The following WASHC2A variants were observed in gnomAD, a reference collection of about 807,000 sequenced individuals.
WASHC2A encodes the protein WASH complex subunit FAM21A.
A neutral mutation model predicts 140.3 loss-of-function variants in WASHC2A; 82 were observed. That is an observed-to-expected ratio of 0.58 (90% CI 0.49 to 0.70). WASHC2A has a LOEUF of 0.70. WASHC2A is among the 30% of genes least tolerant of loss of function. The pLI is 0.00. For missense variants in WASHC2A, 985 were observed against 1,521.8 expected (o/e 0.65, Z 5.87); for synonymous variants, 340 against 560.8 (o/e 0.61, Z 5.56).
intron 3 of WASHC2A, among the ~76,000 whole-genome samples, chr10:50,071,962 G>T (rs1837872117): frequency 7.2e-6 from 1 of 138,258 alleles, no homozygotes; most frequent in Non-Finnish European, 1.6e-5. Flanking sequence ...AGGCTGGAGT[G>T]CAGTGACACC....
intron 21 of WASHC2A, among the ~76,000 whole-genome samples, chr10:50,117,618 C>T (rs1196951857): frequency 1.3e-5 from 2 of 149,410 alleles, no homozygotes; most frequent in Admixed American, 6.9e-5. Flanking sequence ...GACTCATAAT[C>T]GTCTGGTGGC....
At chr10:50,104,277 C>CA in intron 18 of WASHC2A, 134 bp downstream of exon 18, 1 of 637,522 alleles carries the variant, frequency 1.6e-6, no homozygotes, top group Non-Finnish European at 2.8e-6. Flanking sequence ...GTTTATATAA[C>CA]AAAAATATTT....
intron 16 of WASHC2A, among the ~76,000 whole-genome samples, chr10:50,099,329 G>A (rs1329568717): frequency 5.3e-5 from 8 of 149,760 alleles, no homozygotes; most frequent in East Asian, 2.0e-4. Flanking sequence ...GAGTGTAGTG[G>A]TACAATCACA....
Position 50,110,920 on chromosome 10 carries a change from AT to A in WASHC2A, c.2039+653del, listed in dbSNP as rs1156437085. On this transcript the variant is annotated intron_variant, in intron 20 of 30. Transcript: ENST00000282633. ...AAAAAAAAAAAAAAAAAAAAAAGTT[AT>A]TTGAATAGAAATCTGCTCAGCATTT... is the stretch of plus-strand genomic sequence containing the variant. 1.4e-3 allele frequency among the ~76,000 whole-genome samples: 190 copies of A among 132,764 alleles called. 1 individual carries two copies. The highest frequency in any genetic ancestry group is 2.9e-3 in the Admixed American group (38 of 12,994). The allele number at this position is 132,764 out of a possible 152,430, so 87.1% of individuals were successfully genotyped here. A position where few individuals can be genotyped will look rare whatever the true frequency, so the allele number is the denominator to read the frequency against.
At chr10:50,104,642 C>G (rs1841570925) in intron 18 of WASHC2A, among the ~76,000 whole-genome samples, 1 of 152,128 alleles carries the variant, frequency 6.6e-6, no homozygotes, top group African/African-American at 2.4e-5. Context: ...CAGGTGTGAG[C>G]CACCATGCCT....
At chr10:50,078,821 A>G (rs1589156461) in intron 4 of WASHC2A, 84 bp downstream of exon 4, 5 of 1,268,760 alleles carry the variant, frequency 3.9e-6, no homozygotes, top group Non-Finnish European at 5.5e-6. Flanking sequence ...GAACTGGGGG[A>G]TGGTGGGCGG....
chr10:50,076,070 A>G (rs1228964676), intron 3 of WASHC2A, among the ~76,000 whole-genome samples: 1 of 151,688 alleles, frequency 6.6e-6, no homozygotes, highest in Non-Finnish European at 1.5e-5. Context: ...ACCGGCCACC[A>G]CATCAAGCTA....
At chr10:50,071,920 T>C (rs1483183593) in intron 3 of WASHC2A, among the ~76,000 whole-genome samples, 4 of 150,348 alleles carry the variant, frequency 2.7e-5, no homozygotes, top group Non-Finnish European at 4.4e-5. Context: ...TTTTTTTTTT[T>C]TCTTCCGAGA....
intron 19 of WASHC2A, among the ~76,000 whole-genome samples, chr10:50,109,753 A>C (rs1842108716): frequency 6.6e-6 from 1 of 152,150 alleles, no homozygotes; most frequent in Non-Finnish European, 1.5e-5. Flanking sequence ...ATGTTTTATA[A>C]TCTAAATTGC....
chr10:50,073,094 A>G (rs1376967125), intron 3 of WASHC2A, among the ~76,000 whole-genome samples: 1 of 152,146 alleles, frequency 6.6e-6, no homozygotes, highest in Non-Finnish European at 1.5e-5. Context: ...ACTAATTAAC[A>G]TTGGCCAGTG....
Position 50,068,013 on chromosome 10 carries a change from G to A in WASHC2A, c.3+5G>A, listed in dbSNP as rs782113742. The A allele has an allele frequency of 3.0e-5, 49 of 1,607,460 alleles. No homozygotes were observed. Among genetic ancestry groups the A allele is most frequent in the Middle Eastern group, 2.2e-4 (1 of 4,450 alleles). On this transcript the variant is annotated splice_donor_5th_base_variant and intron_variant, in intron 1 of 30. Transcript: ENST00000282633. ...CCGAGCCGGGCGGCTAGGATGGTGA[G>A]GGCGCCGGGCAGGAGAGAGGCCGGC...
intron 8 of WASHC2A, among the ~76,000 whole-genome samples, chr10:50,089,977 G>A (rs1589187513): frequency 6.6e-6 from 1 of 151,516 alleles, no homozygotes; most frequent in African/African-American, 2.4e-5. Context: ...GGGCGTGGTG[G>A]CGGGTGCCTG....
In WASHC2A at chr10:50,121,064, C is replaced by T. The variant is rs1367392631; in HGVS notation, c.2478+1295C>T. The stretch of plus-strand genomic sequence containing the variant: ...TAATGGTGAAAGACTGCATGCTTTT[C>T]AACCCTAACATCATGAACAACACAA... On this transcript the variant is annotated intron_variant, in intron 23 of 30. Coordinates refer to ENST00000282633, the MANE Select transcript of WASHC2A (RefSeq NM_001005751.3). Among the ~76,000 whole-genome samples, 18 of 148,636 alleles carry T rather than the reference C, an allele frequency of 1.2e-4. No individual in the cohort carries two copies. The South Asian group carries it at 3.8e-3, about 31-fold the overall frequency.
chr10:50,087,472 C>T, intron 8 of WASHC2A, 150 bp downstream of exon 8: 1 of 989,382 alleles, frequency 1.0e-6, no homozygotes, highest in Non-Finnish European at 1.5e-6. Context: ...TGTATTTAGG[C>T]TAACTACCTC....
chr10:50,099,285 T>TA (rs1491411019), intron 16 of WASHC2A, among the ~76,000 whole-genome samples: 9 of 124,696 alleles, frequency 7.2e-5, no homozygotes, highest in African/African-American at 2.4e-4. Flanking sequence ...TTTTTTTTTT[T>TA]ATGAGACAGG....
intron 8 of WASHC2A, among the ~76,000 whole-genome samples, chr10:50,088,582 C>T (rs1314457756): frequency 8.2e-5 from 12 of 147,064 alleles, no homozygotes; most frequent in Non-Finnish European, 1.7e-4. Flanking sequence ...TATAGAAATC[C>T]TTTGCTTCGG....
At position 50,069,606 on chromosome 10, in the gene WASHC2A, G is replaced by A. The variant is rs1837614529; in HGVS notation, c.186G>A (p.Lys62=). ...QQTISRTHEI[K]KQVDGLIRET... is the part of the protein sequence containing the mutation. ...CTATCTCTAGGACCCATGAAATCAA[G>A]AAACAAGTGGACGGACTAATTCGGG... The change falls in exon 3 of 31, where the codon AAG becomes AAA. Residue 62 remains lysine, a synonymous_variant. Coordinates refer to ENST00000282633, the MANE Select transcript of WASHC2A (RefSeq NM_001005751.3). 1.2e-6 allele frequency: 2 copies of A among 1,613,930 alleles called. No homozygotes were observed. Among genetic ancestry groups the A allele is most frequent in the Non-Finnish European group, 1.7e-6 (2 of 1,179,852 alleles).
intron 2 of WASHC2A, among the ~76,000 whole-genome samples, chr10:50,068,465 C>T (rs1344002514): frequency 6.6e-6 from 1 of 151,670 alleles, no homozygotes; most frequent in Non-Finnish European, 1.5e-5. Flanking sequence ...TCTGGCTCAG[C>T]TCCATCCGGA....
intron 8 of WASHC2A, among the ~76,000 whole-genome samples, chr10:50,089,979 G>T (rs1357331630): frequency 6.6e-6 from 1 of 150,938 alleles, no homozygotes; most frequent in Admixed American, 6.6e-5. Context: ...GCGTGGTGGC[G>T]GGTGCCTGTA....
Sources: gnomAD v4.1 joint callset for allele counts (sites outside exome capture counted in the v4.1 genomes callset) on GRCh38, gnomAD v4.1.1 for gene constraint, MANE v1.5 for transcripts, NCBI Gene and HGNC (gene_info 2026-07-23, HGNC 2026-07-21) for gene names.